HSD17B4: variants seen among roughly 807,000 people sequenced by gnomAD.
HSD17B4 encodes peroxisomal multifunctional enzyme type 2.
In HSD17B4, 70 loss-of-function variants were observed where a neutral mutation model predicts 101.0. That is an observed-to-expected ratio of 0.69 (90% CI 0.57 to 0.85). The LOEUF is 0.85. Among genes scored for constraint, HSD17B4 ranks in the 40% least tolerant of loss-of-function variants. HSD17B4 has a pLI of 0.00. For synonymous variants in HSD17B4, 347 were observed against 297.1 expected, an observed-to-expected ratio of 1.17 and a Z score of -1.73; for missense variants, 984 against 892.4, an observed-to-expected ratio of 1.10 and a Z score of -1.31.
chr5:119,511,096 TC>T (rs1752129058), intron 16 of HSD17B4, among the ~76,000 whole-genome samples: 1 of 152,214 alleles, frequency 6.6e-6, no homozygotes, highest in African/African-American at 2.4e-5. Context: ...CTGCCCTGCT[TC>T]CTTCTTGTAA....
chr5:119,541,960 T>C lies in HSD17B4; in HGVS notation c.2177T>C (p.Leu726Pro). Residue 726 changes from leucine (L) to proline (P), a missense_variant, in exon 24 of 24, where the codon CTT becomes CCT. Physicochemically the swap from Leu to Pro is moderately conservative, Grantham distance 98 (BLOSUM62 -3). Coordinates refer to ENST00000510025, the MANE Select transcript of HSD17B4 (RefSeq NM_000414.4). ...GGGAACATCATGCTGAGCCAGAAAC[T>C]TCAGATGATTCTTAAAGACTACGCC... ...ARGNIMLSQK[L>P]QMILKDYAKL is the part of the protein sequence containing the mutation. 1 of 1,613,094 alleles carries C rather than the reference T, an allele frequency of 6.2e-7. No homozygotes were observed. The highest frequency in any genetic ancestry group is 8.5e-7 in the Non-Finnish European group (1 of 1,179,304).
At position 119,474,031 on chromosome 5, in the gene HSD17B4, G is replaced by A. The variant is rs1474872716; in HGVS notation, c.220+16G>A. 6 of 1,270,858 alleles carry A rather than the reference G, an allele frequency of 4.7e-6. No individual in the cohort carries two copies. The Admixed American group carries it at 1.0e-4, about 22-fold the overall frequency. The allele number at this position is 1,270,858 out of a possible 1,614,324, so 78.7% of individuals were successfully genotyped here. A position where few individuals can be genotyped will look rare whatever the true frequency, so the allele number is the denominator to read the frequency against. ...GCCAACTATGGTATGGTATTTGAGAGAACTATACTATTTATTTTCCTTCAA... is the reference window on the plus strand; with the variant it reads ...GCCAACTATGGTATGGTATTTGAGAAAACTATACTATTTATTTTCCTTCAA... On this transcript the variant is annotated intron_variant, in intron 3 of 23. Transcript: ENST00000510025.
intron 13 of HSD17B4, among the ~76,000 whole-genome samples, chr5:119,501,233 C>T (rs1159831165): frequency 6.6e-6 from 1 of 151,912 alleles, no homozygotes; most frequent in African/African-American, 2.4e-5. Flanking sequence ...TCTTCTTAAC[C>T]TTGACTTTTT....
chr5:119,496,095 T>C (rs1192248674), intron 11 of HSD17B4, among the ~76,000 whole-genome samples: 1 of 152,164 alleles, frequency 6.6e-6, no homozygotes, highest in African/African-American at 2.4e-5. Flanking sequence ...GAGCTATTAC[T>C]TGTACAAAGA....
chr5:119,491,967 C>A, intron 9 of HSD17B4, 133 bp from the exon 10 acceptor site: 1 of 777,536 alleles, frequency 1.3e-6, no homozygotes, highest in Non-Finnish European at 2.4e-6. Context: ...TCTTACAGAG[C>A]TGTATTATTT....
At chr5:119,463,485 G>C (rs993864506) in intron 2 of HSD17B4, among the ~76,000 whole-genome samples, 2 of 149,512 alleles carry the variant, frequency 1.3e-5, no homozygotes, top group African/African-American at 4.9e-5. Context: ...TAATATATGA[G>C]AGTTTCATTT....
chr5:119,455,568 C>CTCTCTCTCTCTA (rs35030315), intron 1 of HSD17B4, among the ~76,000 whole-genome samples: 3 of 136,474 alleles, frequency 2.2e-5, no homozygotes, highest in Admixed American at 7.4e-5. Context: ...CTCTCTCTCT[C>CTCTCTCTCTCTA]TATATATATA....
intron 17 of HSD17B4, among the ~76,000 whole-genome samples, chr5:119,516,853 C>G (rs1752653928): frequency 1.3e-5 from 2 of 152,188 alleles, no homozygotes; most frequent in Non-Finnish European, 2.9e-5. Flanking sequence ...AAATACAAGG[C>G]TTTGATTTGT....
At chr5:119,528,577 A>C (rs1412417870) in intron 20 of HSD17B4, among the ~76,000 whole-genome samples, 2 of 152,088 alleles carry the variant, frequency 1.3e-5, no homozygotes, top group South Asian at 4.1e-4. Context: ...TGGAGCCCTC[A>C]CATTTTCTAA....
chr5:119,507,783 CAAAA>C (rs199606262), intron 15 of HSD17B4, among the ~76,000 whole-genome samples: 1 of 116,838 alleles, frequency 8.6e-6, no homozygotes, highest in African/African-American at 2.9e-5. Flanking sequence ...GACTCTGTAC[CAAAA>C]AAAAAAAAAA....
At chr5:119,472,218 A>AT (rs1756443125) in intron 2 of HSD17B4, among the ~76,000 whole-genome samples, 1 of 152,188 alleles carries the variant, frequency 6.6e-6, no homozygotes, top group Non-Finnish European at 1.5e-5. Context: ...TTTTAAGCTC[A>AT]TGCGTGTTTC....
At chr5:119,531,164 C>G in intron 21 of HSD17B4, 102 bp from the exon 22 acceptor site, 2 of 1,161,144 alleles carry the variant, frequency 1.7e-6, no homozygotes, top group East Asian at 2.4e-5. Flanking sequence ...GACTTATGTA[C>G]AGAGTTTTAA....
chr5:119,468,768 A>G (rs1756059438), intron 2 of HSD17B4, among the ~76,000 whole-genome samples: 1 of 149,868 alleles, frequency 6.7e-6, no homozygotes, highest in African/African-American at 2.4e-5. Flanking sequence ...TCCCATTACT[A>G]CCATAGGCTT....
chr5:119,499,767 G>A (rs1184187828), intron 13 of HSD17B4: 4 of 339,998 alleles, frequency 1.2e-5, no homozygotes, highest in African/African-American at 6.5e-5. Context: ...AAAATAACAA[G>A]TATGTGTAGT....
chr5:119,491,989 T>G, intron 9 of HSD17B4, 111 bp from the exon 10 acceptor site: 1 of 838,258 alleles, frequency 1.2e-6, no homozygotes, highest in South Asian at 1.3e-5. Context: ...CATCTCCTGT[T>G]GCCTTGAATT....
intron 8 of HSD17B4, among the ~76,000 whole-genome samples, chr5:119,480,730 G>T (rs553606425): frequency 5.9e-5 from 9 of 152,156 alleles, no homozygotes; most frequent in African/African-American, 1.9e-4. Context: ...TAATAAGCCT[G>T]GGAGCGCTAT....
At chr5:119,459,334 A>G (rs1754983161) in intron 2 of HSD17B4, among the ~76,000 whole-genome samples, 1 of 152,186 alleles carries the variant, frequency 6.6e-6, no homozygotes, top group Non-Finnish European at 1.5e-5. Flanking sequence ...GACTTTCGGA[A>G]AGGGAAGAGA....
intron 8 of HSD17B4, chr5:119,487,417 A>G (rs566691366): frequency 4.0e-5 from 6 of 151,596 alleles, no homozygotes; most frequent in Middle Eastern, 6.8e-3. Flanking sequence ...AAACCTTTCT[A>G]TTTTTGATTT....
At chr5:119,532,919 C>T (rs1396584968) in intron 22 of HSD17B4, among the ~76,000 whole-genome samples, 11 of 152,012 alleles carry the variant, frequency 7.2e-5, no homozygotes, top group Non-Finnish European at 1.3e-4. Context: ...TTATATGATG[C>T]TGTTGATTGT....
Sources: allele counts gnomAD v4.1 joint callset (sites outside exome capture counted in the v4.1 genomes callset), GRCh38; gene constraint gnomAD v4.1.1; transcripts MANE v1.5; gene names NCBI Gene and HGNC (gene_info 2026-07-23, HGNC 2026-07-21).